Variants in VWA8 observed in about 807,000 individuals in gnomAD.
VWA8 encodes the protein von Willebrand factor A domain-containing protein 8.
Under a neutral mutation model 241.5 loss-of-function variants are expected in VWA8, and 221 were observed. The ratio of observed to expected loss-of-function variants is 0.91; its 90% CI spans 0.82 to 1.02. The LOEUF (loss-of-function observed/expected upper bound fraction) is 1.02, where lower values mean the gene tolerates loss of function less well. VWA8 is among the 50% of genes least tolerant of loss of function. VWA8 has a pLI of 0.00. For synonymous variants in VWA8, 852 were observed against 827.1 expected, an observed-to-expected ratio of 1.03 and a Z score of -0.52; for missense variants, 2,322 against 2,328.7, an observed-to-expected ratio of 1.00 and a Z score of 0.06.
rs936932382 is a variant in VWA8 at position 41,573,561 on chromosome 13, C to T, written c.5370+2179G>A. Among the ~76,000 whole-genome samples, 259 of 139,690 alleles carry T rather than the reference C, an allele frequency of 1.9e-3. 1 individual carries two copies. The highest frequency in any genetic ancestry group is 6.9e-3 in the African/African-American group (246 of 35,778). 91.6% of individuals were successfully genotyped at this position (139,690 alleles called of 152,430 possible). A position where few individuals can be genotyped will look rare whatever the true frequency, so the allele number is the denominator to read the frequency against. On this transcript the variant is annotated intron_variant, in intron 43 of 44. Coordinates refer to ENST00000379310, the MANE Select transcript of VWA8 (RefSeq NM_015058.2). ...TATACGTATATATAAAATATATACA[C>T]GTATATATATGTATATATATAAAAT...
rs748134753 is a variant in VWA8 at position 41,614,961 on chromosome 13, G to A, written c.4720+15C>T. The A allele has an allele frequency of 6.2e-7, 1 of 1,612,032 alleles. No homozygotes were observed. Among genetic ancestry groups the A allele is most frequent in the Non-Finnish European group, 8.5e-7 (1 of 1,179,584 alleles). ...CTGGGGAAGGCTGACTCAGGAGAATGCCTGTGCTACCAACCTGTTCCGCCA... is the reference window on the plus strand; with the variant it reads ...CTGGGGAAGGCTGACTCAGGAGAATACCTGTGCTACCAACCTGTTCCGCCA... On this transcript the variant is annotated intron_variant, in intron 38 of 44. Coordinates refer to ENST00000379310, the MANE Select transcript of VWA8 (RefSeq NM_015058.2).
chr13:41,700,053 T>A (rs913600551), intron 28 of VWA8, among the ~76,000 whole-genome samples: 2 of 152,136 alleles, frequency 1.3e-5, no homozygotes, highest in East Asian at 3.9e-4. Context: ...TTTCTCATAA[T>A]CTCTTATGTG....
chr13:41,818,222 C>T (rs1193347298), intron 15 of VWA8, among the ~76,000 whole-genome samples: 2 of 151,072 alleles, frequency 1.3e-5, no homozygotes, highest in Admixed American at 1.3e-4. Context: ...CTTGGCCTCC[C>T]AAAGTGCTGG....
chr13:41,939,120 G>A (rs1352443494), intron 2 of VWA8, among the ~76,000 whole-genome samples: 5 of 152,070 alleles, frequency 3.3e-5, no homozygotes, highest in Non-Finnish European at 2.9e-5. Flanking sequence ...AACCTTAAAT[G>A]GCCTCATGTA....
intron 14 of VWA8, among the ~76,000 whole-genome samples, chr13:41,829,318 T>C (rs939857228): frequency 6.6e-6 from 1 of 152,114 alleles, no homozygotes; most frequent in African/African-American, 2.4e-5. Flanking sequence ...ATAACCACTA[T>C]GGAAAACAGT....
At chr13:41,709,148 T>C (rs1177946049) in intron 26 of VWA8, among the ~76,000 whole-genome samples, 4 of 152,346 alleles carry the variant, frequency 2.6e-5, no homozygotes, top group Middle Eastern at 3.4e-3. Flanking sequence ...AACTCTACTA[T>C]GAATATAGCA....
At chr13:41,933,304 G>C (rs995162654) in intron 2 of VWA8, among the ~76,000 whole-genome samples, 1 of 152,048 alleles carries the variant, frequency 6.6e-6, no homozygotes, top group Middle Eastern at 3.4e-3. Flanking sequence ...ACATTGCTGA[G>C]AGAAATTAAA....
chr13:41,746,167 A>G (rs775903754), intron 21 of VWA8, among the ~76,000 whole-genome samples: 9 of 152,222 alleles, frequency 5.9e-5, no homozygotes, highest in Non-Finnish European at 1.0e-4. Flanking sequence ...TATGTGTTAT[A>G]TATTTGTATT....
intron 2 of VWA8, among the ~76,000 whole-genome samples, chr13:41,945,034 T>C (rs542225076): frequency 1.4e-4 from 21 of 152,232 alleles, no homozygotes; most frequent in African/African-American, 4.6e-4. Flanking sequence ...GGGCCTAATC[T>C]CTCTCTCACC....
intron 43 of VWA8, among the ~76,000 whole-genome samples, chr13:41,575,273 CA>C (rs1284956969): frequency 1.3e-5 from 2 of 151,980 alleles, no homozygotes; most frequent in Non-Finnish European, 2.9e-5. Flanking sequence ...GGAAGGTTCT[CA>C]GGGGGGTGAG....
chr13:41,885,847 T>G, intron 8 of VWA8, 73 bp downstream of exon 8: 1 of 1,073,816 alleles, frequency 9.3e-7, no homozygotes, highest in Non-Finnish European at 1.3e-6. Flanking sequence ...ACTGAAGTCA[T>G]TAATCCCTAA....
intron 1 of VWA8, among the ~76,000 whole-genome samples, chr13:41,955,457 G>A (rs1878311545): frequency 2.6e-5 from 4 of 152,240 alleles, no homozygotes; most frequent in Admixed American, 2.6e-4. Context: ...ATCCTCTCAA[G>A]TCTTAAATGT....
At chr13:41,957,807 T>G (rs1878416627) in intron 1 of VWA8, among the ~76,000 whole-genome samples, 1 of 152,056 alleles carries the variant, frequency 6.6e-6, no homozygotes, top group Non-Finnish European at 1.5e-5. Context: ...ACAAGAGTCA[T>G]AAAGAAAAAA....
chr13:41,851,735 A>T (rs1872540874), intron 12 of VWA8, among the ~76,000 whole-genome samples: 1 of 152,210 alleles, frequency 6.6e-6, no homozygotes, highest in Non-Finnish European at 1.5e-5. Context: ...TGTCTTTATC[A>T]GCAGTGTGAA....
chr13:41,615,284 A>AT (rs1239548704), intron 37 of VWA8, among the ~76,000 whole-genome samples, 200 bp from the exon 38 acceptor site: 1 of 152,138 alleles, frequency 6.6e-6, no homozygotes, highest in Non-Finnish European at 1.5e-5. Context: ...AGAAGAACTA[A>AT]TTTTTTAAAA....
intron 37 of VWA8, among the ~76,000 whole-genome samples, chr13:41,616,827 C>T (rs921263364): frequency 3.9e-5 from 6 of 152,104 alleles, no homozygotes; most frequent in Non-Finnish European, 5.9e-5. Flanking sequence ...CATCAGACAG[C>T]GCAGCTCAGG....
At chr13:41,741,333 G>A (rs2045567938) in intron 21 of VWA8, among the ~76,000 whole-genome samples, 1 of 152,094 alleles carries the variant, frequency 6.6e-6, no homozygotes, top group Non-Finnish European at 1.5e-5. Context: ...TACACACCGG[G>A]TTTATTTGTG....
rs564155951 is a variant in VWA8, at chr13:41,874,311, CAT to C, written c.1081-5836_1081-5835del. ...GCCCTCTCTCACCACTCCTATTCAA[CAT>C]AGTGTTGGAAGTTCTGGCCAGGGCA... is the stretch of plus-strand genomic sequence containing the variant. On this transcript the variant is annotated intron_variant, in intron 9 of 44. Transcript: ENST00000379310. Among the ~76,000 whole-genome samples the C allele has an allele frequency of 3.6e-4, 55 of 151,152 alleles. 1 individual carries two copies. In the South Asian group the frequency reaches 0.012, roughly 32 times the overall value.
intron 37 of VWA8, among the ~76,000 whole-genome samples, chr13:41,662,618 C>T (rs1456415578): frequency 3.4e-5 from 5 of 145,108 alleles, no homozygotes; most frequent in Non-Finnish European, 6.1e-5. Flanking sequence ...AGTTTTATTT[C>T]TTCCTTCCTA....
Sources: gnomAD v4.1 joint callset for allele counts (sites outside exome capture counted in the v4.1 genomes callset) on GRCh38, gnomAD v4.1.1 for gene constraint, MANE v1.5 for transcripts, NCBI Gene and HGNC (gene_info 2026-07-23, HGNC 2026-07-21) for gene names.